Variants in KDM2B observed in about 807,000 individuals in gnomAD.
KDM2B encodes the protein lysine-specific demethylase 2B.
In KDM2B, 26 loss-of-function variants were observed where a neutral mutation model predicts 150.0. The observed-to-expected ratio is 0.17, with a 90% CI of 0.13 to 0.24. The LOEUF is 0.24. Ranked by LOEUF, KDM2B falls within the 10% of genes least tolerant of loss-of-function variation. The probability of loss-of-function intolerance (pLI) is 1.00; values close to 1 mark genes in which losing one functional copy is unlikely to be tolerated. For missense variants in KDM2B, 1,265 were observed against 1,816.9 expected, an observed-to-expected ratio of 0.70 and a Z score of 5.52; for synonymous variants, 734 against 729.5, an observed-to-expected ratio of 1.01 and a Z score of -0.10.
chr12:121,475,787 G>A (rs1008817302), intron 12 of KDM2B, among the ~76,000 whole-genome samples: 29 of 151,568 alleles, frequency 1.9e-4, no homozygotes, highest in African/African-American at 5.8e-4. Flanking sequence ...TAACCCCCCT[G>A]CCCCACAACC....
At position 121,510,051 on chromosome 12, in the gene KDM2B, G is replaced by T; in HGVS notation, c.1175-12C>A. 1.3e-6 allele frequency: 2 copies of T among 1,528,826 alleles called. No individual in the cohort carries two copies. 94.7% of individuals were successfully genotyped at this position (1,528,826 alleles called of 1,614,324 possible). ...CTTCCTCGGGGCATCTGTGGGGGCA[G>T]GGTCACAAGAAAGACCGAGATGACA... On this transcript the variant is annotated splice_polypyrimidine_tract_variant and intron_variant, in intron 10 of 22. Coordinates refer to ENST00000377071, the MANE Select transcript of KDM2B (RefSeq NM_032590.5).
chr12:121,533,228 G>A lies in KDM2B; in HGVS notation c.778-269C>T, dbSNP rs1887812672. ...TGGGAGTACTTCCTGGACTGGGTGG[G>A]ACATGCTTTCTCCCGAACCACAGGC... On this transcript the variant is annotated intron_variant, in intron 7 of 22. Coordinates refer to ENST00000377071, the MANE Select transcript of KDM2B (RefSeq NM_032590.5). The surrounding 1 kb of genome is among the most constrained non-coding windows in gnomAD (Gnocchi z 4.1). Among the ~76,000 whole-genome samples, 1 of 152,182 alleles carries A rather than the reference G, an allele frequency of 6.6e-6. No homozygotes were observed. Among genetic ancestry groups the A allele is most frequent in the South Asian group, 2.1e-4 (1 of 4,838 alleles).
rs1199270470 is a variant in KDM2B at position 121,452,181 on chromosome 12, T to C, written c.1959+939A>G. 6.6e-6 allele frequency among the ~76,000 whole-genome samples: 1 copy of C among 152,168 alleles called. No individual in the cohort carries two copies. Among genetic ancestry groups the C allele is most frequent in the Non-Finnish European group, 1.5e-5 (1 of 68,028 alleles). ...AAGGGGAGTAGAGCTTCAGTGGGTA[T>C]GGAGTTTCAGTTTTGCAAAATGAAA... On this transcript the variant is annotated intron_variant, in intron 13 of 22. Transcript: ENST00000377071. The surrounding 1 kb of genome is among the most constrained non-coding windows in gnomAD (Gnocchi z 4.4).
the KDM2B span, among the ~76,000 whole-genome samples, chr12:121,413,261 A>G: frequency 6.7e-6 from 1 of 150,214 alleles, no homozygotes; most frequent in Non-Finnish European, 1.5e-5. Flanking sequence ...TCCTGACCTC[A>G]GGAGATCCAC....
At chr12:121,534,272 C>T (rs1363208177) in intron 7 of KDM2B, among the ~76,000 whole-genome samples, 1 of 151,764 alleles carries the variant, frequency 6.6e-6, no homozygotes, top group Non-Finnish European at 1.5e-5. Context: ...TGGCATGAAC[C>T]CAGGAGGCAG....
chr12:121,443,756 T>A lies in KDM2B; in HGVS notation c.2489A>T (p.His830Leu). ...SLQTSPGSSSHLSPRPPLGSS... is the reference protein window; with the variant it reads ...SLQTSPGSSSLLSPRPPLGSS... ...GCCTAGAGGGGGCCTCGGCGAGAGG[T>A]GAGAGGAGGAACCGGGGGACGTTTG... The change falls in exon 17 of 23, where the codon CAC becomes CTC. Residue 830 changes from histidine to leucine, a missense_variant. Transcript: ENST00000377071. 6.2e-7 allele frequency: 1 copy of A among 1,608,312 alleles called. No homozygotes were observed. Among genetic ancestry groups the A allele is most frequent in the Non-Finnish European group, 8.5e-7 (1 of 1,178,414 alleles).
intron 4 of KDM2B, among the ~76,000 whole-genome samples, chr12:121,562,534 G>T (rs1226209972): frequency 6.6e-6 from 1 of 152,012 alleles, no homozygotes; most frequent in East Asian, 1.9e-4. Flanking sequence ...CAAGGGGTGA[G>T]AACTTAGTTT....
chr12:121,576,558 C>T (rs1555316896), intron 2 of KDM2B, among the ~76,000 whole-genome samples: 1 of 151,924 alleles, frequency 6.6e-6, no homozygotes, highest in East Asian at 1.9e-4. Context: ...GGGGGCATAG[C>T]AAGACCCAAG....
intron 4 of KDM2B, among the ~76,000 whole-genome samples, chr12:121,553,550 C>T (rs1889675375): frequency 6.6e-6 from 1 of 152,176 alleles, no homozygotes; most frequent in Non-Finnish European, 1.5e-5. Flanking sequence ...TCAGTTTCTT[C>T]TTCATCTATA....
chr12:121,442,050 T>C lies in KDM2B; in HGVS notation c.3284+107A>G. 2.2e-6 allele frequency: 2 copies of C among 919,826 alleles called. No individual in the cohort carries two copies. Among genetic ancestry groups the C allele is most frequent in the South Asian group, 1.5e-5 (1 of 66,650 alleles). The allele number at this position is 919,826 out of a possible 1,614,324, so 57.0% of individuals were successfully genotyped here. ...CGCTTTGCGGAGCACAATGAAGCCA[T>C]ACTGGGGTTTGGAAGGAAAGAGCAT... On this transcript the variant is annotated intron_variant, in intron 19 of 22. Coordinates refer to ENST00000377071, the MANE Select transcript of KDM2B (RefSeq NM_032590.5). The surrounding 1 kb of genome is among the most constrained non-coding windows in gnomAD (Gnocchi z 7.7).
chr12:121,444,304 C>A (rs782718364), intron 15 of KDM2B, 32 bp from the exon 16 acceptor site: 7 of 1,611,728 alleles, frequency 4.3e-6, no homozygotes, highest in Non-Finnish European at 5.9e-6. Context: ...ATGAACAGAC[C>A]AACTGTATAC....
rs1891426181 is a variant in KDM2B at position 121,575,240 on chromosome 12, C to T, written c.350+541G>A. 6.6e-6 allele frequency among the ~76,000 whole-genome samples: 1 copy of T among 152,254 alleles called. No homozygotes were observed. The highest frequency in any genetic ancestry group is 1.5e-5 in the Non-Finnish European group (1 of 68,046). ...CCTGCCCAAGGGGCACAAACCTGTT[C>T]TTCCAGCCTGCCTCCCAGACCTCTC... On this transcript the variant is annotated intron_variant, in intron 3 of 22. Transcript: ENST00000377071. This position sits in a 1 kb window ranked among gnomAD's most constrained non-coding sequence, Gnocchi z 4.4.
the KDM2B span, chr12:121,416,405 A>C: frequency 7.1e-7 from 1 of 1,410,334 alleles, no homozygotes; most frequent in Non-Finnish European, 1.0e-6. Flanking sequence ...TTACATAACA[A>C]CACACATGGG....
downstream of KDM2B, among the ~76,000 whole-genome samples, chr12:121,428,031 T>TAAAC (rs1872596988): frequency 6.6e-6 from 1 of 152,228 alleles, no homozygotes; most frequent in Non-Finnish European, 1.5e-5. Flanking sequence ...CACTGCATTT[T>TAAAC]AAACAATCAA....
chr12:121,423,291 C>T, the KDM2B span: 1 of 910,322 alleles, frequency 1.1e-6, no homozygotes. The surrounding 1 kb of genome is among the most constrained non-coding windows in gnomAD (Gnocchi z 4.3). Context: ...CTGCAGGGGT[C>T]ATTCAGCAGG....
At chr12:121,553,097 T>C (rs1889634136) in intron 4 of KDM2B, among the ~76,000 whole-genome samples, 1 of 151,456 alleles carries the variant, frequency 6.6e-6, no homozygotes, top group South Asian at 2.1e-4. Context: ...CCGGGTGTGG[T>C]GGCGGGCGCC....
intron 8 of KDM2B, among the ~76,000 whole-genome samples, chr12:121,528,095 C>T (rs556858578): frequency 2.0e-5 from 3 of 152,362 alleles, no homozygotes; most frequent in South Asian, 2.1e-4. Context: ...CTGACCCTGA[C>T]GCTGTATTCT....
intron 11 of KDM2B, among the ~76,000 whole-genome samples, chr12:121,497,094 A>AACAGCAC (rs1445685268): frequency 5.9e-5 from 9 of 152,122 alleles, no homozygotes; most frequent in African/African-American, 2.2e-4. Flanking sequence ...GGAAACAGCA[A>AACAGCAC]ACAGCACAGT....
chr12:121,528,170 C>T (rs1311962896), intron 8 of KDM2B, among the ~76,000 whole-genome samples: 3 of 152,224 alleles, frequency 2.0e-5, no homozygotes, highest in African/African-American at 7.2e-5. Context: ...TTCTCCAGGT[C>T]ATTCTACTCC....
Sources: gnomAD v4.1 joint callset for allele counts (sites outside exome capture counted in the v4.1 genomes callset) on GRCh38, gnomAD v4.1.1 for gene constraint, Gnocchi (gnomAD v3.1) non-coding constraint, MANE v1.5 for transcripts, NCBI Gene and HGNC (gene_info 2026-07-23, HGNC 2026-07-21) for gene names.